The following RBMS2 variants were observed in gnomAD, a reference collection of about 807,000 sequenced individuals.
RBMS2 encodes RNA binding motif single stranded interacting protein 2.
RBMS2 carries 38 observed loss-of-function variants against 58.4 expected under a neutral mutation model. The ratio of observed to expected loss-of-function variants is 0.65; its 90% CI spans 0.50 to 0.85. RBMS2 has a LOEUF of 0.85. Among genes scored for constraint, RBMS2 ranks in the 40% least tolerant of loss-of-function variants. The probability of loss-of-function intolerance (pLI) is 0.00; values close to 1 mark genes in which losing one functional copy is unlikely to be tolerated. For synonymous variants in RBMS2, 151 were observed against 180.7 expected, an observed-to-expected ratio of 0.84 and a Z score of 1.32; for missense variants, 367 against 503.7, an observed-to-expected ratio of 0.73 and a Z score of 2.60.
At chr12:56,589,087 C>T in intron 13 of RBMS2, 53 bp from the exon 14 acceptor site, 1 of 1,609,360 alleles carries the variant, frequency 6.2e-7, no homozygotes, top group Non-Finnish European at 8.5e-7. Context: ...GGCCTGAAGT[C>T]AGACAGGTTC....
chr12:56,542,482 A>ATTT lies in RBMS2; in HGVS notation c.67-19935_67-19934insTTT, dbSNP rs1455120123. The stretch of plus-strand genomic sequence containing the variant: ...TTAAAGTATGGGTTTTTTTTTTTTA[A>ATTT]AAATGGGGCTTATAGTTAACGAAAA... On this transcript the variant is annotated intron_variant, in intron 1 of 13. Coordinates refer to ENST00000262031, the MANE Select transcript of RBMS2 (RefSeq NM_002898.4). Among the ~76,000 whole-genome samples the ATTT allele has an allele frequency of 5.0e-4, 75 of 151,206 alleles. 1 individual carries two copies. The highest frequency in any genetic ancestry group is 1.8e-3 in the African/African-American group (73 of 41,176).
At chr12:56,571,026 G>A (rs911552943) in intron 4 of RBMS2, among the ~76,000 whole-genome samples, 11 of 152,162 alleles carry the variant, frequency 7.2e-5, no homozygotes, top group Middle Eastern at 3.2e-3. Flanking sequence ...CACTGTTTAG[G>A]GCAGAGTGAC....
At chr12:56,532,271 G>A (rs928030976) in intron 1 of RBMS2, among the ~76,000 whole-genome samples, 8 of 150,812 alleles carry the variant, frequency 5.3e-5, no homozygotes, top group East Asian at 2.0e-4. Flanking sequence ...GGCCAGGTGC[G>A]GTGGCTCACA....
intron 1 of RBMS2, among the ~76,000 whole-genome samples, chr12:56,540,420 C>T (rs1047007147): frequency 2.6e-5 from 4 of 152,120 alleles, no homozygotes; most frequent in Admixed American, 2.6e-4. Context: ...CTGTCCCAGG[C>T]TGGAGTGGAG....
At chr12:56,552,951 CAGAG>C (rs1878542008) in intron 1 of RBMS2, among the ~76,000 whole-genome samples, 1 of 90,856 alleles carries the variant, frequency 1.1e-5, no homozygotes, top group South Asian at 4.0e-4. Context: ...TTTTTTGAGA[CAGAG>C]TCTCGCTTTA....
intron 1 of RBMS2, among the ~76,000 whole-genome samples, chr12:56,536,493 A>T (rs963375245): frequency 1.3e-5 from 2 of 150,078 alleles, no homozygotes; most frequent in African/African-American, 2.5e-5. Flanking sequence ...TCTTAGTAAG[A>T]TCTTTTCCTT....
At chr12:56,580,681 G>T (rs531527029) in intron 5 of RBMS2, among the ~76,000 whole-genome samples, 2 of 152,164 alleles carry the variant, frequency 1.3e-5, no homozygotes, top group East Asian at 3.9e-4. Flanking sequence ...ATCACTATGG[G>T]CCATGAACTC....
At chr12:56,572,269 A>G (rs2958151) in intron 5 of RBMS2, among the ~76,000 whole-genome samples, 31,608 of 147,658 alleles carry the variant, frequency 0.21, 3,688 homozygotes, top group African/African-American at 0.28. Context: ...AGCCTGGGGA[A>G]CAGAGTGAGA....
intron 1 of RBMS2, among the ~76,000 whole-genome samples, chr12:56,561,963 A>G (rs1475159102): frequency 1.3e-5 from 2 of 151,932 alleles, no homozygotes; most frequent in Non-Finnish European, 2.9e-5. Flanking sequence ...GCCCACCACC[A>G]TGCCCAACTA....
intron 2 of RBMS2, among the ~76,000 whole-genome samples, chr12:56,567,176 G>A (rs531142810): frequency 6.6e-6 from 1 of 152,206 alleles, no homozygotes; most frequent in Non-Finnish European, 1.5e-5. Context: ...CCTGAGGTCA[G>A]GAGTTTGAGA....
chr12:56,573,007 C>T, intron 5 of RBMS2: 1 of 975,636 alleles, frequency 1.0e-6, no homozygotes, highest in South Asian at 4.7e-5. Context: ...TAAGAAATGG[C>T]TCTGCTTTTA....
chr12:56,528,017 A>C (rs1287419170), intron 1 of RBMS2: 1 of 152,216 alleles, frequency 6.6e-6, no homozygotes, highest in African/African-American at 2.4e-5. Flanking sequence ...TGGGAGGCCA[A>C]AGTGGGAGGA....
intron 5 of RBMS2, chr12:56,572,708 G>T (rs1367296895): frequency 1.2e-6 from 1 of 855,288 alleles, no homozygotes; most frequent in Non-Finnish European, 1.4e-6. Context: ...GGTCTTACAG[G>T]AGTGGGTGTT....
intron 12 of RBMS2, chr12:56,588,635 G>T (rs925710018): frequency 3.4e-6 from 2 of 585,392 alleles, no homozygotes; most frequent in Non-Finnish European, 6.0e-6. Context: ...AAAAACAACA[G>T]CAGATGTAGG....
Position 56,595,318 on chromosome 12 carries a change from C to T in RBMS2, c.*6185C>T, listed in dbSNP as rs565508116. 6 of 152,112 alleles carry T rather than the reference C, an allele frequency of 3.9e-5. No homozygotes were observed. The highest frequency in any genetic ancestry group is 4.2e-4 in the South Asian group (2 of 4,812). 9.4% of individuals were successfully genotyped at this position (152,112 alleles called of 1,614,324 possible). A position where few individuals can be genotyped will look rare whatever the true frequency, so the allele number is the denominator to read the frequency against. On this transcript the variant is annotated 3_prime_UTR_variant, in exon 14 of 14. Transcript: ENST00000262031. ...GCTGGAGGGTAATACATATCCAGCG[C>T]GAGTGAAGTCCCCACTCCAACATAT...
At chr12:56,543,199 A>C (rs919742565) in intron 1 of RBMS2, among the ~76,000 whole-genome samples, 24 of 147,366 alleles carry the variant, frequency 1.6e-4, no homozygotes, top group African/African-American at 4.9e-4. Flanking sequence ...ACTGTCCATG[A>C]AGGCCGGGCG....
In RBMS2 at chr12:56,589,230, A is replaced by C; in HGVS notation, c.*97A>C. The stretch of plus-strand genomic sequence containing the variant: ...AGAGGGTTAACCAGGAATGGAGACC[A>C]TCCGTCGGCCCTGCTAAGGACTAAC... On this transcript the variant is annotated 3_prime_UTR_variant, in exon 14 of 14. Coordinates refer to ENST00000262031, the MANE Select transcript of RBMS2 (RefSeq NM_002898.4). The C allele has an allele frequency of 1.3e-6, 2 of 1,493,112 alleles. No individual in the cohort carries two copies. Among genetic ancestry groups the C allele is most frequent in the Non-Finnish European group, 1.8e-6 (2 of 1,117,136 alleles). 92.5% of individuals were successfully genotyped at this position (1,493,112 alleles called of 1,614,324 possible). A position where few individuals can be genotyped will look rare whatever the true frequency, so the allele number is the denominator to read the frequency against.
intron 1 of RBMS2, among the ~76,000 whole-genome samples, chr12:56,539,365 T>C (rs1290156883): frequency 3.3e-5 from 5 of 152,146 alleles, no homozygotes; most frequent in African/African-American, 9.7e-5. Flanking sequence ...ATTCAGCAAA[T>C]CAGATATTGC....
chr12:56,587,710 C>A (rs1002273892), intron 11 of RBMS2, 46 bp downstream of exon 11: 16 of 1,585,440 alleles, frequency 1.0e-5, no homozygotes, highest in African/African-American at 1.3e-5. Context: ...CTGAGCAAGG[C>A]ATACCTGTGT....
Sources: allele counts gnomAD v4.1 joint callset (sites outside exome capture counted in the v4.1 genomes callset), GRCh38; gene constraint gnomAD v4.1.1; transcripts MANE v1.5; gene names NCBI Gene and HGNC (gene_info 2026-07-23, HGNC 2026-07-21).